LDHC: variants seen among roughly 807,000 people sequenced by gnomAD.
LDHC encodes the protein L-lactate dehydrogenase C chain.
In LDHC, 20 loss-of-function variants were observed where a neutral mutation model predicts 30.2. That is an observed-to-expected ratio of 0.66 (90% CI 0.47 to 0.96). LDHC has a LOEUF of 0.96. Ranked by LOEUF, LDHC falls within the 40% of genes least tolerant of loss-of-function variation. The pLI, the probability that LDHC is intolerant of heterozygous loss-of-function variation, is 0.00. For synonymous variants in LDHC, 139 were observed against 132.7 expected, an observed-to-expected ratio of 1.05 and a Z score of -0.32; for missense variants, 362 against 394.9, an observed-to-expected ratio of 0.92 and a Z score of 0.71.
chr11:18,442,586 T>C (rs1848485512), intron 6 of LDHC, among the ~76,000 whole-genome samples: 1 of 152,148 alleles, frequency 6.6e-6, no homozygotes, highest in Non-Finnish European at 1.5e-5. Context: ...CCCTCTATCA[T>C]TTACTATCAC....
chr11:18,432,542 C>T (rs1049829143), intron 4 of LDHC, among the ~76,000 whole-genome samples: 4 of 151,574 alleles, frequency 2.6e-5, no homozygotes, highest in Admixed American at 2.6e-4. Flanking sequence ...GATGACCTGT[C>T]TATTGCTGTC....
At chr11:18,421,331 A>C (rs1439033841) in intron 3 of LDHC, among the ~76,000 whole-genome samples, 3 of 152,100 alleles carry the variant, frequency 2.0e-5, no homozygotes, top group Middle Eastern at 6.8e-3. Flanking sequence ...CTGGGATTAC[A>C]GGAGTGAGCC....
intron 3 of LDHC, among the ~76,000 whole-genome samples, chr11:18,416,184 A>T (rs546922282): frequency 1.2e-4 from 18 of 152,184 alleles, no homozygotes; most frequent in African/African-American, 4.1e-4. Flanking sequence ...ATTTTGTCTT[A>T]TATATTTTCC....
chr11:18,444,606 A>ATG (rs1848520631), intron 6 of LDHC, among the ~76,000 whole-genome samples: 3 of 11,864 alleles, frequency 2.5e-4, no homozygotes, highest in South Asian at 1.7e-3. Flanking sequence ...TTCAGGTGGT[A>ATG]TATATATATA....
chr11:18,439,938 G>A (rs1848434562), intron 6 of LDHC, among the ~76,000 whole-genome samples: 1 of 151,640 alleles, frequency 6.6e-6, no homozygotes, highest in Non-Finnish European at 1.5e-5. Context: ...GTTGCAGTGA[G>A]CCAATATTGT....
intron 4 of LDHC, among the ~76,000 whole-genome samples, chr11:18,432,695 G>A (rs1461998077): frequency 6.6e-6 from 1 of 152,150 alleles, no homozygotes; most frequent in Admixed American, 6.6e-5. Flanking sequence ...GTTGGACAAG[G>A]CCTTTTACCA....
chr11:18,416,647 A>G (rs541634171), intron 3 of LDHC, among the ~76,000 whole-genome samples: 3 of 152,202 alleles, frequency 2.0e-5, no homozygotes, highest in African/African-American at 7.2e-5. Context: ...TCAGCTGATT[A>G]GAGTTTTGCA....
Position 18,412,807 on chromosome 11 carries a change from C to G in LDHC, c.90C>G (p.Ala30=). The change falls in exon 2 of 8, where the codon GCC becomes GCG. Residue 30 remains alanine, a synonymous_variant. Transcript: ENST00000541669. ...QCKITIVGTG[A]VGMACAISIL... ...AAATTACTATTGTTGGAACTGGTGCCGTAGGCATGGCTTGTGCTATTAGTA... is the reference window on the plus strand; with the variant it reads ...AAATTACTATTGTTGGAACTGGTGCGGTAGGCATGGCTTGTGCTATTAGTA... 3.7e-6 allele frequency: 6 copies of G among 1,613,874 alleles called. No individual in the cohort carries two copies. The highest frequency in any genetic ancestry group is 1.1e-5 in the South Asian group (1 of 91,014).
At chr11:18,428,051 A>C (rs1408792582) in intron 3 of LDHC, among the ~76,000 whole-genome samples, 1 of 152,046 alleles carries the variant, frequency 6.6e-6, no homozygotes, top group Non-Finnish European at 1.5e-5. Context: ...AACAGTGTTC[A>C]TATTTCATAA....
chr11:18,434,106 T>A (rs888227467), intron 4 of LDHC, among the ~76,000 whole-genome samples: 2 of 152,186 alleles, frequency 1.3e-5, no homozygotes. Context: ...GCTGAGACTT[T>A]CCAGAGCATT....
rs531192608 is a variant in LDHC, at chr11:18,428,860, G to A, written c.245-877G>A. ...ACCATACTCCAGCCTGGGCAACAGAGTGAGACACTATCTCAGAAAAAAAAA... is the reference window on the plus strand; with the variant it reads ...ACCATACTCCAGCCTGGGCAACAGAATGAGACACTATCTCAGAAAAAAAAA... On this transcript the variant is annotated intron_variant, in intron 3 of 7. Coordinates refer to ENST00000541669, the MANE Select transcript of LDHC (RefSeq NM_017448.5). Among the ~76,000 whole-genome samples the A allele has an allele frequency of 5.9e-4, 80 of 136,612 alleles. 1 individual carries two copies. The South Asian group carries it at 0.02, about 34-fold the overall frequency. 89.6% of individuals were successfully genotyped at this position (136,612 alleles called of 152,430 possible).
intron 3 of LDHC, among the ~76,000 whole-genome samples, chr11:18,426,484 G>C (rs1848163995): frequency 7.4e-6 from 1 of 135,464 alleles, no homozygotes; most frequent in Admixed American, 8.2e-5. Context: ...CCAAGATCAC[G>C]CCACTCCACT....
chr11:18,451,227 A>G lies in LDHC; in HGVS notation c.*100A>G. 1 of 765,144 alleles carries G rather than the reference A, an allele frequency of 1.3e-6. No individual in the cohort carries two copies. Among genetic ancestry groups the G allele is most frequent in the Non-Finnish European group, 2.0e-6 (1 of 511,720 alleles). The allele number at this position is 765,144 out of a possible 1,614,324, so 47.4% of individuals were successfully genotyped here. On this transcript the variant is annotated 3_prime_UTR_variant, in exon 8 of 8. Coordinates refer to ENST00000541669, the MANE Select transcript of LDHC (RefSeq NM_017448.5). The stretch of plus-strand genomic sequence containing the variant: ...TTTCATTTGATCTTTAAAAAATAAA[A>G]ACAAATTGGAGACCTGTGACATAAC...
intron 3 of LDHC, among the ~76,000 whole-genome samples, chr11:18,422,896 G>A (rs541431350): frequency 6.6e-6 from 1 of 151,242 alleles, no homozygotes; most frequent in Non-Finnish European, 1.5e-5. Flanking sequence ...GTGGAAGGAT[G>A]GCTTGAGCCT....
intron 4 of LDHC, among the ~76,000 whole-genome samples, chr11:18,434,380 C>T (rs568201663): frequency 2.2e-4 from 33 of 152,106 alleles, no homozygotes; most frequent in African/African-American, 6.5e-4. Flanking sequence ...GGGGTGTTGA[C>T]GAGCCTTCTT....
chr11:18,431,084 C>T (rs982134172), intron 4 of LDHC, among the ~76,000 whole-genome samples: 2 of 151,496 alleles, frequency 1.3e-5, no homozygotes, highest in Non-Finnish European at 2.9e-5. Flanking sequence ...TGTGCCACTG[C>T]ACTCCAGCCT....
intron 4 of LDHC, among the ~76,000 whole-genome samples, chr11:18,434,245 G>T: frequency 2.0e-5 from 3 of 149,208 alleles, no homozygotes; most frequent in African/African-American, 2.5e-5. Flanking sequence ...CCTTGCATTG[G>T]GCTTCGCCTT....
chr11:18,438,707 G>A, intron 6 of LDHC, 62 bp downstream of exon 6: 2 of 862,632 alleles, frequency 2.3e-6, no homozygotes, highest in Non-Finnish European at 3.8e-6. Context: ...AAATATCACG[G>A]ACAAAAATCA....
chr11:18,448,481 G>A (rs1341704249), intron 7 of LDHC, among the ~76,000 whole-genome samples: 1 of 151,968 alleles, frequency 6.6e-6, no homozygotes, highest in Admixed American at 6.6e-5. Context: ...AAGGGGTTTT[G>A]TGCTGCTGCC....
Sources: allele counts gnomAD v4.1 joint callset (sites outside exome capture counted in the v4.1 genomes callset), GRCh38; gene constraint gnomAD v4.1.1; transcripts MANE v1.5; gene names NCBI Gene and HGNC (gene_info 2026-07-23, HGNC 2026-07-21).